The following AIMP1 variants were observed in gnomAD, a reference collection of about 807,000 sequenced individuals.
AIMP1 encodes the protein aminoacyl tRNA synthetase complex interacting multifunctional protein 1, also known as aminoacyl tRNA synthase complex-interacting multifunctional protein 1.
AIMP1 carries 24 observed loss-of-function variants against 33.1 expected under a neutral mutation model. That is an observed-to-expected ratio of 0.73 (90% CI 0.53 to 1.02). The LOEUF (loss-of-function observed/expected upper bound fraction) is 1.02, where lower values mean the gene tolerates loss of function less well. Among genes scored for constraint, AIMP1 ranks in the 50% least tolerant of loss-of-function variants. AIMP1 has a pLI of 0.00. For synonymous variants in AIMP1, 120 were observed against 121.5 expected (o/e 0.99, Z 0.08); for missense variants, 367 against 364.8 (o/e 1.01, Z -0.05).
intron 6 of AIMP1, 79 bp from the exon 7 acceptor site, chr4:106,347,447 G>T: frequency 7.5e-7 from 1 of 1,338,356 alleles, no homozygotes. Flanking sequence ...CAATTCACTG[G>T]AAATCTCTGT....
chr4:106,337,037 G>C lies in AIMP1; in HGVS notation c.772G>C (p.Gly258Arg), dbSNP rs778273673. 4 of 1,613,420 alleles carry C rather than the reference G, an allele frequency of 2.5e-6. No homozygotes were observed. In the South Asian group the frequency reaches 3.3e-5, roughly 13 times the overall value. Reference sequence around the variant, plus strand: ...CAGAATTACTTTTGATGCTTTCCCAGGTAGGTATTTATTAGTAATTACTTA... The same window carrying C: ...CAGAATTACTTTTGATGCTTTCCCACGTAGGTATTTATTAGTAATTACTTA... ...GDRITFDAFPGEPDKELNPKK... is the reference protein window; with the variant it reads ...GDRITFDAFPREPDKELNPKK... Residue 258 changes from glycine (G) to arginine (R), a missense_variant and splice_region_variant, in exon 6 of 7, where the codon GGA (glycine) becomes CGA (arginine). Physicochemically the swap from Gly to Arg is moderately radical, Grantham distance 125. Coordinates refer to ENST00000672341, the MANE Select transcript of AIMP1 (RefSeq NM_001142416.2).
chr4:106,333,572 T>C (rs1769757938), intron 5 of AIMP1, among the ~76,000 whole-genome samples: 1 of 152,208 alleles, frequency 6.6e-6, no homozygotes, highest in South Asian at 2.1e-4. Flanking sequence ...GGTTAGAGTA[T>C]CTCCACTTTT....
rs374854312 is a variant in AIMP1 at position 106,324,969 on chromosome 4, T to A, written c.-25-16T>A. 3.1e-5 allele frequency: 49 copies of A among 1,584,416 alleles called. No individual in the cohort carries two copies. The African/African-American group carries it at 5.8e-4, about 19-fold the overall frequency. ...TCCTTTCACAGTGTAATTTATCACTTTTATTTTTCCTATAGGATTTTCTGC... is the reference window on the plus strand; with the variant it reads ...TCCTTTCACAGTGTAATTTATCACTATTATTTTTCCTATAGGATTTTCTGC... On this transcript the variant is annotated splice_polypyrimidine_tract_variant and intron_variant, in intron 1 of 6. Coordinates refer to ENST00000672341, the MANE Select transcript of AIMP1 (RefSeq NM_001142416.2).
At chr4:106,316,049 A>G (rs1272537901), upstream of AIMP1, 2 of 153,338 alleles carry the variant, frequency 1.3e-5, no homozygotes, top group African/African-American at 4.8e-5. Context: ...CAGACGCTGC[A>G]TTTCAGGTGC....
rs778019726 is a variant in AIMP1, at chr4:106,347,528, G to A, written c.775G>A (p.Glu259Lys). 6.2e-7 allele frequency: 1 copy of A among 1,612,604 alleles called. No individual in the cohort carries two copies. Among genetic ancestry groups the A allele is most frequent in the Non-Finnish European group, 8.5e-7 (1 of 1,179,248 alleles). ...TGTGCTTTTTTTCTCCTACACAGGA[G>A]AGCCTGACAAGGAGCTGAATCCTAA... ...DRITFDAFPGEPDKELNPKKK... is the reference protein window; with the variant it reads ...DRITFDAFPGKPDKELNPKKK... Residue 259 changes from glutamate (E) to lysine (K), a missense_variant and splice_region_variant, in exon 7 of 7, where the codon GAG becomes AAG. By Grantham distance (56) the Glu-to-Lys change is moderately conservative. Coordinates refer to ENST00000672341, the MANE Select transcript of AIMP1 (RefSeq NM_001142416.2).
chr4:106,316,894 G>A (rs1214757923), intron 1 of AIMP1, among the ~76,000 whole-genome samples: 1 of 152,164 alleles, frequency 6.6e-6, no homozygotes, highest in Non-Finnish European at 1.5e-5. Flanking sequence ...AGGTGCTTTG[G>A]GGGAGAGGAG....
chr4:106,316,805 C>T, intron 1 of AIMP1: 1 of 519,820 alleles, frequency 1.9e-6, no homozygotes. Flanking sequence ...GGGATGCAGG[C>T]CTAAGTTAAG....
At chr4:106,338,337 A>C (rs1769967728) in intron 6 of AIMP1, among the ~76,000 whole-genome samples, 2 of 152,150 alleles carry the variant, frequency 1.3e-5, no homozygotes, top group Non-Finnish European at 2.9e-5. Flanking sequence ...CTATCACAGA[A>C]CCTGAGGCCT....
chr4:106,317,912 T>C (rs969793177), intron 1 of AIMP1, among the ~76,000 whole-genome samples: 2 of 152,188 alleles, frequency 1.3e-5, no homozygotes, highest in African/African-American at 2.4e-5. Flanking sequence ...GATGGCCTTA[T>C]TGTGAGGTAA....
chr4:106,345,410 A>T (rs1294966943), intron 6 of AIMP1, among the ~76,000 whole-genome samples: 1 of 152,190 alleles, frequency 6.6e-6, no homozygotes, highest in Non-Finnish European at 1.5e-5. Context: ...CACACAATAT[A>T]TGCACAAGAT....
intron 2 of AIMP1, among the ~76,000 whole-genome samples, chr4:106,326,592 T>G (rs916243931): frequency 6.6e-6 from 1 of 152,226 alleles, no homozygotes; most frequent in Non-Finnish European, 1.5e-5. Context: ...ATTGAATGTT[T>G]GATTAGCTTA....
chr4:106,329,389 A>G (rs1484277887), intron 4 of AIMP1, among the ~76,000 whole-genome samples: 1 of 152,200 alleles, frequency 6.6e-6, no homozygotes, highest in Non-Finnish European at 1.5e-5. Context: ...CTAGTTAGAG[A>G]AGGCAACAAG....
intron 1 of AIMP1, among the ~76,000 whole-genome samples, chr4:106,323,445 G>C (rs1348201871): frequency 6.6e-6 from 1 of 151,822 alleles, no homozygotes; most frequent in Non-Finnish European, 1.5e-5. Flanking sequence ...GAAAAATACA[G>C]ACCAAAAGAG....
intron 1 of AIMP1, among the ~76,000 whole-genome samples, chr4:106,318,827 G>A (rs1353563029): frequency 6.6e-6 from 1 of 152,072 alleles, no homozygotes; most frequent in Non-Finnish European, 1.5e-5. Context: ...TGTATGTGGG[G>A]AAACAAAGGG....
intron 2 of AIMP1, among the ~76,000 whole-genome samples, chr4:106,325,531 C>T (rs1579631207): frequency 6.6e-6 from 1 of 151,774 alleles, no homozygotes; most frequent in East Asian, 1.9e-4. Context: ...AAAATTCTTA[C>T]TCTCTTTTTA....
rs553113514 is a variant in AIMP1 at position 106,332,031 on chromosome 4, A to C, written c.603+148A>C. 1.3e-5 allele frequency: 10 copies of C among 774,862 alleles called. No homozygotes were observed. In the South Asian group the frequency reaches 1.5e-4, roughly 11 times the overall value. 48.0% of individuals were successfully genotyped at this position (774,862 alleles called of 1,614,324 possible). A position where few individuals can be genotyped will look rare whatever the true frequency, so the allele number is the denominator to read the frequency against. The stretch of plus-strand genomic sequence containing the variant: ...GATTAGTTTGAATGTGGTTAATTAC[A>C]CAAAAAAAGCATAAAACCACCAAAA... On this transcript the variant is annotated intron_variant, in intron 5 of 6. Transcript: ENST00000672341.
intron 1 of AIMP1, among the ~76,000 whole-genome samples, chr4:106,323,701 G>T (rs1475854240): frequency 6.6e-6 from 1 of 151,398 alleles, no homozygotes; most frequent in Non-Finnish European, 1.5e-5. Context: ...TCTAACATAA[G>T]TAATGATGAA....
chr4:106,316,398 C>A, upstream of AIMP1: 1 of 720,364 alleles, frequency 1.4e-6, no homozygotes, highest in Non-Finnish European at 2.4e-6. Flanking sequence ...GAATGGAAGA[C>A]GAGGAGCGTG....
At chr4:106,332,723 T>C (rs1769730172) in intron 5 of AIMP1, among the ~76,000 whole-genome samples, 1 of 151,116 alleles carries the variant, frequency 6.6e-6, no homozygotes, top group African/African-American at 2.4e-5. Context: ...TATATACTCA[T>C]TTATCTCACT....
Sources: allele counts gnomAD v4.1 joint callset (sites outside exome capture counted in the v4.1 genomes callset), GRCh38; gene constraint gnomAD v4.1.1; transcripts MANE v1.5; gene names NCBI Gene and HGNC (gene_info 2026-07-23, HGNC 2026-07-21).